The following ANK3 variants were observed in gnomAD, a reference collection of about 807,000 sequenced individuals.
ANK3 encodes ankyrin 3.
Under a neutral mutation model 370.9 loss-of-function variants are expected in ANK3, and 57 were observed. The observed-to-expected ratio is 0.15, with a 90% confidence interval of 0.12 to 0.19. ANK3 has a LOEUF of 0.19. Among genes scored for constraint, ANK3 ranks in the 10% least tolerant of loss-of-function variants. The pLI is 1.00. For missense variants in ANK3, 4,439 were observed against 5,302.1 expected (o/e 0.84, Z 5.06); for synonymous variants, 1,929 against 1,946.3 (o/e 0.99, Z 0.23).
At chr10:60,469,118 T>C (rs1471509384) in intron 2 of ANK3, among the ~76,000 whole-genome samples, 3 of 122,356 alleles carry the variant, frequency 2.5e-5, no homozygotes, top group Non-Finnish European at 5.0e-5. Flanking sequence ...TATATATATA[T>C]ACCACTTTTA....
chr10:60,572,963 A>G lies in ANK3; in HGVS notation c.96+42223T>C, dbSNP rs1003085311. On this transcript the variant is annotated intron_variant, in intron 2 of 43. Transcript: ENST00000373827. ...CAGAAATAAGCTACAGACTGCTGAC[A>G]AGTCTCCGAAGCCTTCCCAGGGGCT... The G allele has an allele frequency of 9.1e-6, 9 of 989,110 alleles. No individual in the cohort carries two copies. In the South Asian group the frequency reaches 3.2e-4, roughly 36 times the overall value. The allele number at this position is 989,110 out of a possible 1,614,324, so 61.3% of individuals were successfully genotyped here. A position where few individuals can be genotyped will look rare whatever the true frequency, so the allele number is the denominator to read the frequency against.
chr10:60,323,128 C>T (rs72822281), intron 1 of ANK3, among the ~76,000 whole-genome samples: 6,486 of 152,190 alleles, frequency 0.043, 362 homozygotes, highest in African/African-American at 0.13. Context: ...GGGTAAGAAA[C>T]GGACTCCAGT....
At chr10:60,279,879 T>C (rs1352168307) in intron 1 of ANK3, among the ~76,000 whole-genome samples, 2 of 152,156 alleles carry the variant, frequency 1.3e-5, no homozygotes, top group African/African-American at 4.8e-5. Flanking sequence ...AGAGATAAAA[T>C]TTCCTATAAA....
chr10:60,730,626 A>C (rs374040341), intron 1 of ANK3, among the ~76,000 whole-genome samples: 1 of 152,238 alleles, frequency 6.6e-6, no homozygotes, highest in East Asian at 1.9e-4. Context: ...ATGAAAATAA[A>C]AAATTGCAAT....
chr10:60,449,393 A>G lies in ANK3; in HGVS notation c.96+165793T>C, dbSNP rs144458590. Among the ~76,000 whole-genome samples, 608 of 152,326 alleles carry G rather than the reference A, an allele frequency of 4.0e-3. 12 individuals carry two copies. Among genetic ancestry groups the G allele is most frequent in the East Asian group, 4.2e-3 (22 of 5,188 alleles). ...TGTTTTGCACTTCTCAATTCAGGCT[A>G]GCCTGAATTGAAACACTGAAACATA... On this transcript the variant is annotated intron_variant, in intron 2 of 43. Transcript: ENST00000373827.
At chr10:60,203,284 G>A (rs569661310) in intron 11 of ANK3, among the ~76,000 whole-genome samples, 184 bp from the exon 12 acceptor site, 1 of 152,150 alleles carries the variant, frequency 6.6e-6, no homozygotes, top group South Asian at 2.1e-4. Context: ...TATAATCATC[G>A]TTTTCCTAAA....
chr10:60,071,361 A>T lies in ANK3; in HGVS notation c.9520T>A (p.Ser3174Thr). 6.2e-7 allele frequency: 1 copy of T among 1,614,022 alleles called. No individual in the cohort carries two copies. Among genetic ancestry groups the T allele is most frequent in the Non-Finnish European group, 8.5e-7 (1 of 1,179,976 alleles). ...KSPLTPETPS[S>T]EEVSYEFTSK... ...GTAAATTCATAACTCACTTCCTCTG[A>T]ACTGGGTGTTTCTGGGGTTAAAGGG... is the stretch of plus-strand genomic sequence containing the variant. The change falls in exon 37 of 44, where the codon TCA becomes ACA. Residue 3174 changes from serine to threonine, a missense_variant. By Grantham distance (58) the Ser-to-Thr change is moderately conservative (BLOSUM62 1). Transcript: ENST00000280772.
In ANK3 at chr10:60,059,397, T is replaced by C; in HGVS notation, c.12629A>G (p.Glu4210Gly). ...WQNETSSGNLESCAQARRVTG... is the reference protein window; with the variant it reads ...WQNETSSGNLGSCAQARRVTG... ...TACTCTTCGAGCTTGAGCGCAGGAC[T>C]CTAGGTTTCCACTTGATGTCTCATT... The change falls in exon 41 of 44, where the codon GAG becomes GGG. Residue 4210 changes from glutamate (E) to glycine (G), a missense_variant. Glu to Gly is a moderately conservative substitution (Grantham distance 98). This residue lies in a region of ANK3 where 242 missense variants were observed against 228.0 expected (regional missense o/e 1.06). Transcript: ENST00000280772. The C allele has an allele frequency of 6.2e-7, 1 of 1,614,170 alleles. No homozygotes were observed.
intron 2 of ANK3, among the ~76,000 whole-genome samples, chr10:60,404,833 T>C (rs2063421237): frequency 6.6e-6 from 1 of 152,100 alleles, no homozygotes; most frequent in African/African-American, 2.4e-5. Context: ...AGGATCAGTG[T>C]CCAGAAAATA....
intron 7 of ANK3, among the ~76,000 whole-genome samples, chr10:60,238,374 A>G (rs1013537282): frequency 7.9e-5 from 12 of 152,150 alleles, no homozygotes; most frequent in African/African-American, 2.9e-4. Flanking sequence ...CTAGAATGCA[A>G]TTTGGCAGTC....
At chr10:60,312,142 A>C (rs2046479010) in intron 1 of ANK3, among the ~76,000 whole-genome samples, 1 of 152,226 alleles carries the variant, frequency 6.6e-6, no homozygotes, top group South Asian at 2.1e-4. Context: ...AGAAAGATAA[A>C]CATATCCTAG....
intron 2 of ANK3, among the ~76,000 whole-genome samples, chr10:60,519,542 G>A (rs2076301182): frequency 1.3e-5 from 2 of 152,142 alleles, no homozygotes; most frequent in Non-Finnish European, 2.9e-5. Context: ...CAGTAGAGAA[G>A]CTGCCTCTCA....
At chr10:60,314,000 A>G (rs140765139) in intron 1 of ANK3, among the ~76,000 whole-genome samples, 42 of 147,528 alleles carry the variant, frequency 2.8e-4, no homozygotes, top group African/African-American at 9.8e-4. Context: ...TTTATTCTCC[A>G]TCTCCCTGCT....
chr10:60,720,473 A>T (rs1250933726), intron 1 of ANK3, among the ~76,000 whole-genome samples: 1 of 152,238 alleles, frequency 6.6e-6, no homozygotes, highest in Non-Finnish European at 1.5e-5. Flanking sequence ...AAATACTATT[A>T]GGTTGGCGCA....
intron 2 of ANK3, among the ~76,000 whole-genome samples, chr10:60,552,455 G>A (rs2077109008): frequency 6.6e-6 from 1 of 152,254 alleles, no homozygotes; most frequent in Non-Finnish European, 1.5e-5. Context: ...CGGCTTTAAA[G>A]TTTTATGGAT....
intron 1 of ANK3, among the ~76,000 whole-genome samples, chr10:60,356,929 G>C (rs777465500): frequency 6.6e-6 from 1 of 152,124 alleles, no homozygotes; most frequent in Non-Finnish European, 1.5e-5. Context: ...GGCTGGTCTT[G>C]AACTCCTGTC....
chr10:60,567,670 GTTGT>G (rs1567152336), intron 2 of ANK3, among the ~76,000 whole-genome samples: 2 of 152,150 alleles, frequency 1.3e-5, no homozygotes, highest in African/African-American at 4.8e-5. Flanking sequence ...GCCATAAGTA[GTTGT>G]TTGTCTGATG....
At chr10:60,623,195 A>G (rs557475420) in intron 1 of ANK3, among the ~76,000 whole-genome samples, 5 of 152,328 alleles carry the variant, frequency 3.3e-5, no homozygotes, top group African/African-American at 4.8e-5. Flanking sequence ...ATGAAGAGGA[A>G]TAAGGTACGA....
At chr10:60,526,382 G>A (rs541128231) in intron 2 of ANK3, among the ~76,000 whole-genome samples, 1 of 152,162 alleles carries the variant, frequency 6.6e-6, no homozygotes, top group East Asian at 1.9e-4. Flanking sequence ...CAGCTGAGGC[G>A]ATTATAAAAT....
Sources: allele counts gnomAD v4.1 joint callset (sites outside exome capture counted in the v4.1 genomes callset), GRCh38; gene constraint gnomAD v4.1.1; regional missense constraint gnomAD v4.1.1; transcripts MANE v1.5; gene names NCBI Gene and HGNC (gene_info 2026-07-23, HGNC 2026-07-21).